Variants in PABPC1 observed in about 807,000 individuals in gnomAD.
The protein encoded by PABPC1 is polyadenylate-binding protein 1.
PABPC1 carries 4 observed loss-of-function variants against 74.0 expected under a neutral mutation model. The observed-to-expected ratio is 0.05, with a 90% CI of 0.03 to 0.12. The LOEUF (loss-of-function observed/expected upper bound fraction) is 0.12. Ranked by LOEUF, PABPC1 falls within the 10% of genes least tolerant of loss-of-function variation. The pLI is 1.00. For synonymous variants in PABPC1, 227 were observed against 264.1 expected, an observed-to-expected ratio of 0.86 and a Z score of 1.36; for missense variants, 271 against 821.1, an observed-to-expected ratio of 0.33 and a Z score of 8.19.
chr8:100,711,295 A>C (rs1252994169), intron 7 of PABPC1, among the ~76,000 whole-genome samples: 2 of 152,106 alleles, frequency 1.3e-5, no homozygotes, highest in Non-Finnish European at 2.9e-5. Flanking sequence ...ACAAAAAAAA[A>C]ACACCTCATA....
chr8:100,711,992 T>C (rs1438404121), intron 7 of PABPC1, among the ~76,000 whole-genome samples: 1 of 152,252 alleles, frequency 6.6e-6, no homozygotes, highest in Non-Finnish European at 1.5e-5. Flanking sequence ...TCTCTATTCT[T>C]ACTGCTAGGG....
intron 4 of PABPC1, 53 bp from the exon 5 acceptor site, chr8:100,713,234 T>C (rs563878588): frequency 1.3e-5 from 14 of 1,065,282 alleles, no homozygotes; most frequent in South Asian, 3.5e-5. Flanking sequence ...ATTCACGTTA[T>C]ACATTTCAAA....
At chr8:100,713,283 C>T (rs747125914) in intron 4 of PABPC1, 102 bp from the exon 5 acceptor site, 23 of 595,932 alleles carry the variant, frequency 3.9e-5, no homozygotes, top group Admixed American at 1.8e-4. Flanking sequence ...TTCAAAGCTC[C>T]GTAACTTGAC....
In PABPC1 at chr8:100,721,527, G is replaced by A; in HGVS notation, c.57C>T (p.His19=). Reference sequence around the variant, plus strand: ...AGAGCATCGCCTCGGTCACGTCGGGGTGGAGGTCCCCCACGTAGAGCGAGG... The same window carrying A: ...AGAGCATCGCCTCGGTCACGTCGGGATGGAGGTCCCCCACGTAGAGCGAGG... ...PMASLYVGDL[H]PDVTEAMLYE... The change falls in exon 1 of 15, where the codon CAC becomes CAT. Residue 19 remains histidine (H), a synonymous_variant. Coordinates refer to ENST00000318607, the MANE Select transcript of PABPC1 (RefSeq NM_002568.4). This position sits in a 1 kb window ranked among gnomAD's most constrained non-coding sequence, Gnocchi z 7.4. 1.8e-5 allele frequency: 29 copies of A among 1,611,030 alleles called. No individual in the cohort carries two copies. The highest frequency in any genetic ancestry group is 2.5e-5 in the Non-Finnish European group (29 of 1,178,334).
intron 4 of PABPC1, 94 bp from the exon 5 acceptor site, chr8:100,713,275 C>G (rs1436671356): frequency 2.5e-5 from 17 of 689,920 alleles, no homozygotes; most frequent in Middle Eastern, 2.5e-4. Flanking sequence ...AAAAAAATTT[C>G]AAAGCTCCGT....
intron 14 of PABPC1, among the ~76,000 whole-genome samples, chr8:100,703,715 T>C (rs1355274916): frequency 1.3e-5 from 2 of 152,152 alleles, no homozygotes; most frequent in South Asian, 2.1e-4. Flanking sequence ...GGTAAAACTA[T>C]GAAAGCCAAC....
At chr8:100,709,825 A>C in intron 7 of PABPC1, 94 bp from the exon 8 acceptor site, 2 of 1,275,688 alleles carry the variant, frequency 1.6e-6, no homozygotes, top group Non-Finnish European at 2.1e-6. Context: ...TCACTGAATC[A>C]AATAACTAAA....
chr8:100,708,692 G>A (rs376311701), intron 9 of PABPC1, among the ~76,000 whole-genome samples: 8 of 151,896 alleles, frequency 5.3e-5, no homozygotes, highest in African/African-American at 2.4e-5. Context: ...CCTGGCCAAC[G>A]TGGTCAAACC....
rs1810392154 is a variant in PABPC1, at chr8:100,706,832, T to C, written c.1448-27A>G. The C allele has an allele frequency of 5.1e-6, 6 of 1,170,574 alleles. No homozygotes were observed. In the East Asian group the frequency reaches 2.9e-4, roughly 56 times the overall value. The allele number at this position is 1,170,574 out of a possible 1,614,324, so 72.5% of individuals were successfully genotyped here. A position where few individuals can be genotyped will look rare whatever the true frequency, so the allele number is the denominator to read the frequency against. ...TAAAAAATAAGAACATTTTGTATTT[T>C]TATCTTGCTCTTTCAAATTGGTGAT... On this transcript the variant is annotated intron_variant, in intron 10 of 14. Coordinates refer to ENST00000318607, the MANE Select transcript of PABPC1 (RefSeq NM_002568.4).
rs777538613 is a variant in PABPC1 at position 100,706,969 on chromosome 8, G to A, written c.1365C>T (p.Arg455=). Residue 455 remains arginine (R), a synonymous_variant, in exon 10 of 15, where the codon CGC becomes CGT. Transcript: ENST00000318607. The stretch of plus-strand genomic sequence containing the variant: ...TAAATGGTGGTCTAGGAGCAGCTGG[G>A]CGGATAGCACCGGGCATATTTTGGA... The part of the protein sequence containing the change: ...HPFQNMPGAI[R]PAAPRPPFST... The A allele has an allele frequency of 1.2e-6, 2 of 1,614,016 alleles. No homozygotes were observed. Among genetic ancestry groups the A allele is most frequent in the Non-Finnish European group, 1.7e-6 (2 of 1,179,982 alleles).
chr8:100,721,883 T>C lies in PABPC1; in HGVS notation c.-300A>G. 1 of 325,386 alleles carries C rather than the reference T, an allele frequency of 3.1e-6. No individual in the cohort carries two copies. Among genetic ancestry groups the C allele is most frequent in the East Asian group, 4.8e-5 (1 of 20,886 alleles). 20.2% of individuals were successfully genotyped at this position (325,386 alleles called of 1,614,324 possible). A position where few individuals can be genotyped will look rare whatever the true frequency, so the allele number is the denominator to read the frequency against. On this transcript the variant is annotated 5_prime_UTR_variant, in exon 1 of 15. Coordinates refer to ENST00000318607, the MANE Select transcript of PABPC1 (RefSeq NM_002568.4). The surrounding 1 kb of genome is among the most constrained non-coding windows in gnomAD (Gnocchi z 7.4). ...GGGGCCGCGGGCGGGCGGGTCGGTC[T>C]CGGCTGCTTCACCGGGTTATTTTAT...
intron 4 of PABPC1, 102 bp from the exon 5 acceptor site, chr8:100,713,283 C>A: frequency 1.7e-6 from 1 of 595,932 alleles, no homozygotes; most frequent in South Asian, 2.9e-5. Context: ...TTCAAAGCTC[C>A]GTAACTTGAC....
At position 100,721,410 on chromosome 8, in the gene PABPC1, G is replaced by A. The variant is rs1810829035; in HGVS notation, c.174C>T (p.Asn58=). ...GCTCACCGTCCGCCGGCTGCTGGAAGTTCACATACGCGTAGCCCAAGGAGC... is the reference window on the plus strand; with the variant it reads ...GCTCACCGTCCGCCGGCTGCTGGAAATTCACATACGCGTAGCCCAAGGAGC... ...TRRSLGYAYV[N]FQQPADAERA... The change falls in exon 1 of 15, where the codon AAC becomes AAT. Residue 58 remains asparagine, a synonymous_variant. Coordinates refer to ENST00000318607, the MANE Select transcript of PABPC1 (RefSeq NM_002568.4). This position sits in a 1 kb window ranked among gnomAD's most constrained non-coding sequence, Gnocchi z 7.4. 2 of 1,552,134 alleles carry A rather than the reference G, an allele frequency of 1.3e-6. No individual in the cohort carries two copies. Among genetic ancestry groups the A allele is most frequent in the Non-Finnish European group, 1.7e-6 (2 of 1,147,530 alleles).
In PABPC1 at chr8:100,707,068, C is replaced by G. The variant is rs908901418; in HGVS notation, c.1337-71G>C. ...GAGTGAAAAGTGTTTATGCTGTCTT[C>G]TTCGATCTGAGGTTTGCATAAAAGA... On this transcript the variant is annotated intron_variant, in intron 9 of 14. Coordinates refer to ENST00000318607, the MANE Select transcript of PABPC1 (RefSeq NM_002568.4). 2.9e-5 allele frequency: 33 copies of G among 1,127,334 alleles called. No homozygotes were observed. In the African/African-American group the frequency reaches 4.5e-4, roughly 15 times the overall value. 69.8% of individuals were successfully genotyped at this position (1,127,334 alleles called of 1,614,324 possible).
intron 5 of PABPC1, 91 bp from the exon 6 acceptor site, chr8:100,712,880 A>G: frequency 7.1e-7 from 1 of 1,417,144 alleles, no homozygotes; most frequent in Non-Finnish European, 9.4e-7. Flanking sequence ...TTGTTAAGTC[A>G]CAAAAGCTAA....
At chr8:100,709,362 C>A in intron 8 of PABPC1, 97 bp downstream of exon 8, 1 of 1,503,164 alleles carries the variant, frequency 6.7e-7, no homozygotes, top group South Asian at 1.2e-5. Flanking sequence ...ATTCCCCTTT[C>A]TTAATGTTTC....
intron 12 of PABPC1, among the ~76,000 whole-genome samples, chr8:100,705,300 C>T (rs1321441091): frequency 6.6e-6 from 1 of 152,234 alleles, no homozygotes; most frequent in Non-Finnish European, 1.5e-5. Flanking sequence ...AATCGGTGTT[C>T]AGGCAAAGTC....
At chr8:100,713,805 A>G (rs1301784278) in intron 4 of PABPC1, among the ~76,000 whole-genome samples, 1 of 152,098 alleles carries the variant, frequency 6.6e-6, no homozygotes, top group Non-Finnish European at 1.5e-5. Context: ...TTTTCTTTGT[A>G]TCAATTAAGA....
chr8:100,709,060 T>A, intron 9 of PABPC1, 73 bp downstream of exon 9: 1 of 1,121,386 alleles, frequency 8.9e-7, no homozygotes, highest in Non-Finnish European at 1.3e-6. Context: ...AACATTGACA[T>A]AGAAGAGCTG....
Sources: gnomAD v4.1 joint callset for allele counts (sites outside exome capture counted in the v4.1 genomes callset) on GRCh38, gnomAD v4.1.1 for gene constraint, Gnocchi (gnomAD v3.1) non-coding constraint, MANE v1.5 for transcripts, NCBI Gene and HGNC (gene_info 2026-07-23, HGNC 2026-07-21) for gene names.